Variants in PIK3C2A observed in about 807,000 individuals in gnomAD.
PIK3C2A encodes the protein phosphatidylinositol-4-phosphate 3-kinase catalytic subunit type 2 alpha, also known as phosphatidylinositol 4-phosphate 3-kinase C2 domain-containing subunit alpha.
PIK3C2A carries 97 observed loss-of-function variants against 204.5 expected under a neutral mutation model. The ratio of observed to expected loss-of-function variants is 0.47; its 90% confidence interval spans 0.40 to 0.56. The LOEUF is 0.56. Ranked by LOEUF, PIK3C2A falls within the 20% of genes least tolerant of loss-of-function variation. The pLI, the probability that PIK3C2A is intolerant of heterozygous loss-of-function variation, is 0.00. For missense variants in PIK3C2A, 1,735 were observed against 1,969.2 expected, an observed-to-expected ratio of 0.88 and a Z score of 2.25; for synonymous variants, 653 against 664.4, an observed-to-expected ratio of 0.98 and a Z score of 0.26.
intron 3 of PIK3C2A, among the ~76,000 whole-genome samples, chr11:17,153,523 A>C (rs1199710111): frequency 6.6e-6 from 1 of 152,184 alleles, no homozygotes; most frequent in Admixed American, 6.5e-5. Context: ...AAAGGAAAGA[A>C]ATAGGACAAA....
chr11:17,159,749 G>C (rs537082684), intron 2 of PIK3C2A, among the ~76,000 whole-genome samples: 39 of 152,308 alleles, frequency 2.6e-4, no homozygotes, highest in African/African-American at 9.4e-4. Flanking sequence ...ATATGGAATG[G>C]CTTATGCAAT....
chr11:17,201,170 C>T lies in PIK3C2A; in HGVS notation c.-66+6678G>A, dbSNP rs184870873. Among the ~76,000 whole-genome samples the T allele has an allele frequency of 4.0e-3, 613 of 152,016 alleles. 3 individuals are homozygous for T. The highest frequency in any genetic ancestry group is 5.8e-3 in the Non-Finnish European group (397 of 67,998). ...GCAGTGAGCCAAGATCGTGCCACTG[C>T]ACTCCAGCCTGGGTTACAGAGCGAT... On this transcript the variant is annotated intron_variant, in intron 1 of 32. Transcript: ENST00000691414.
intron 18 of PIK3C2A, among the ~76,000 whole-genome samples, chr11:17,118,221 G>A (rs1475368355): frequency 6.6e-6 from 1 of 151,868 alleles, no homozygotes; most frequent in Non-Finnish European, 1.5e-5. Flanking sequence ...ACAGGCACAT[G>A]CCACCATGTT....
At chr11:17,117,831 A>G (rs532775106) in intron 18 of PIK3C2A, among the ~76,000 whole-genome samples, 160 bp from the exon 19 acceptor site, 1 of 144,628 alleles carries the variant, frequency 6.9e-6, no homozygotes, top group East Asian at 2.1e-4. Flanking sequence ...CTCCTGCCTC[A>G]GCCTCCCGAA....
chr11:17,105,216 C>A lies in PIK3C2A; in HGVS notation c.3634G>T (p.Ala1212Ser), dbSNP rs374305923. The A allele has an allele frequency of 6.2e-7, 1 of 1,609,558 alleles. No individual in the cohort carries two copies. Among genetic ancestry groups the A allele is most frequent in the Admixed American group, 1.7e-5 (1 of 59,972 alleles). Reference sequence around the variant, plus strand: ...GGATTGTATTTCCTTAGCCACTCTGCAAGTGGTTTATCTTTAAAGGATCCT... The same window carrying A: ...GGATTGTATTTCCTTAGCCACTCTGAAAGTGGTTTATCTTTAAAGGATCCT... ...VTGSFKDKPL[A>S]EWLRKYNPSE... Residue 1212 changes from alanine to serine, a missense_variant, in exon 23 of 33, where the codon GCA becomes TCA. This residue lies in a region of PIK3C2A where 503 missense variants were observed against 669.0 expected (regional missense o/e 0.75). Coordinates refer to ENST00000691414, the MANE Select transcript of PIK3C2A (RefSeq NM_002645.4).
Position 17,129,387 on chromosome 11 carries a change from C to T in PIK3C2A, c.2312G>A (p.Ser771Asn). Reference sequence around the variant, plus strand: ...ATTAGAATCAGGGGAACTTCCACTGCTCTGATTTAAAATTCCAAAAAGAGT... The same window carrying T: ...ATTAGAATCAGGGGAACTTCCACTGTTCTGATTTAAAATTCCAAAAAGAGT... Reference protein sequence around the residue: ...HLTLFGILNQSSGSSPDSNKQ... With the variant: ...HLTLFGILNQNSGSSPDSNKQ... The change falls in exon 13 of 33, where the codon AGC becomes AAC. Residue 771 changes from serine to asparagine, a missense_variant. Ser to Asn is a conservative substitution (Grantham distance 46). This residue lies in a region of PIK3C2A where 567 missense variants were observed against 576.0 expected (regional missense o/e 0.98). Coordinates refer to ENST00000691414, the MANE Select transcript of PIK3C2A (RefSeq NM_002645.4). 6.2e-7 allele frequency: 1 copy of T among 1,611,286 alleles called. No individual in the cohort carries two copies. Among genetic ancestry groups the T allele is most frequent in the Non-Finnish European group, 8.5e-7 (1 of 1,177,468 alleles).
chr11:17,111,973 C>T (rs1321933059), intron 21 of PIK3C2A, among the ~76,000 whole-genome samples: 4 of 147,786 alleles, frequency 2.7e-5, no homozygotes, highest in African/African-American at 9.9e-5. Context: ...TAGAAAAAGG[C>T]ACCTACATCA....
rs1849623541 is a variant in PIK3C2A at position 17,129,330 on chromosome 11, T to C, written c.2369A>G (p.Lys790Arg). Residue 790 changes from lysine to arginine, a missense_variant, in exon 13 of 33, where the codon AAA becomes AGA. Physicochemically the swap from Lys to Arg is conservative, Grantham distance 26. Transcript: ENST00000691414. The stretch of plus-strand genomic sequence containing the variant: ...AAAGTCAAAAAGAGGTAAAGAAACT[T>C]TGCCCAAAGCTTCTGGTCCCTTTCT... The part of the protein sequence containing the change: ...KQRKGPEALG[K>R]VSLPLFDFKR... 6.2e-7 allele frequency: 1 copy of C among 1,613,810 alleles called. No individual in the cohort carries two copies. Among genetic ancestry groups the C allele is most frequent in the Admixed American group, 1.7e-5 (1 of 59,982 alleles).
At chr11:17,139,999 G>A (rs764123893) in intron 8 of PIK3C2A, among the ~76,000 whole-genome samples, 3 of 152,094 alleles carry the variant, frequency 2.0e-5, no homozygotes, top group Non-Finnish European at 4.4e-5. Context: ...ATTCCCTATA[G>A]GATATTAAAC....
chr11:17,162,769 T>C (rs1384050035), intron 2 of PIK3C2A, among the ~76,000 whole-genome samples: 1 of 152,232 alleles, frequency 6.6e-6, no homozygotes, highest in African/African-American at 2.4e-5. Flanking sequence ...GCTGCCTGAT[T>C]TGTGATCTCT....
At chr11:17,099,478 C>T (rs926535715) in intron 26 of PIK3C2A, among the ~76,000 whole-genome samples, 2 of 152,056 alleles carry the variant, frequency 1.3e-5, no homozygotes, top group Admixed American at 6.6e-5. Flanking sequence ...ACCCAGGAAG[C>T]GAGGTTGCAG....
chr11:17,122,636 T>C (rs1489846931), intron 14 of PIK3C2A, 66 bp downstream of exon 14: 14 of 770,560 alleles, frequency 1.8e-5, no homozygotes, highest in Non-Finnish European at 3.2e-5. Flanking sequence ...AATCATGGTA[T>C]ACACACACAC....
At chr11:17,197,105 T>G (rs1195380443) in intron 1 of PIK3C2A, among the ~76,000 whole-genome samples, 4 of 151,580 alleles carry the variant, frequency 2.6e-5, no homozygotes, top group African/African-American at 9.7e-5. Flanking sequence ...CACTGCAACC[T>G]CCACCTTCCA....
chr11:17,113,293 A>G (rs1265749885), intron 20 of PIK3C2A, among the ~76,000 whole-genome samples: 1 of 152,122 alleles, frequency 6.6e-6, no homozygotes, highest in Non-Finnish European at 1.5e-5. Flanking sequence ...GAGAAGCAAA[A>G]ACTTGAGACA....
Position 17,151,699 on chromosome 11 carries a change from T to A in PIK3C2A, c.1170-1044A>T, listed in dbSNP as rs1850432505. 2.0e-5 allele frequency among the ~76,000 whole-genome samples: 3 copies of A among 152,314 alleles called. No homozygotes were observed. In the South Asian group the frequency reaches 6.2e-4, roughly 32 times the overall value. Reference sequence around the variant, plus strand: ...ACTACTACTTACCTGATAGGGTTGTTGTGAGAATTATGTGAATTTAGTTTA... The same window carrying A: ...ACTACTACTTACCTGATAGGGTTGTAGTGAGAATTATGTGAATTTAGTTTA... On this transcript the variant is annotated intron_variant, in intron 3 of 32. Transcript: ENST00000691414.
At chr11:17,135,717 G>A (rs895408092) in intron 9 of PIK3C2A, among the ~76,000 whole-genome samples, 29 of 133,304 alleles carry the variant, frequency 2.2e-4, no homozygotes, top group African/African-American at 7.9e-4. Context: ...GTGTGTGTGT[G>A]TATAAGTTTC....
intron 8 of PIK3C2A, among the ~76,000 whole-genome samples, chr11:17,137,168 T>C (rs910062562): frequency 8.5e-5 from 13 of 152,164 alleles, no homozygotes; most frequent in African/African-American, 2.9e-4. Flanking sequence ...CTCAGTACTA[T>C]ACCACCCCTT....
chr11:17,138,494 A>G (rs1849950158), intron 8 of PIK3C2A, among the ~76,000 whole-genome samples: 1 of 152,118 alleles, frequency 6.6e-6, no homozygotes, highest in Non-Finnish European at 1.5e-5. Context: ...ACTCTCTTCA[A>G]AGAGACTAAA....
At chr11:17,120,349 GA>G (rs926224885) in intron 15 of PIK3C2A, among the ~76,000 whole-genome samples, 43 of 147,620 alleles carry the variant, frequency 2.9e-4, no homozygotes, top group Non-Finnish European at 3.9e-4. Context: ...CAAATGCTAT[GA>G]AAAAAAAAAT....
Sources: allele counts gnomAD v4.1 joint callset (sites outside exome capture counted in the v4.1 genomes callset), GRCh38; gene constraint gnomAD v4.1.1; regional missense constraint gnomAD v4.1.1; transcripts MANE v1.5; gene names NCBI Gene and HGNC (gene_info 2026-07-23, HGNC 2026-07-21).